The following DOCK8 variants were observed in gnomAD, a reference collection of about 807,000 sequenced individuals.
DOCK8 encodes the protein dedicator of cytokinesis 8.
Under a neutral mutation model 245.6 loss-of-function variants are expected in DOCK8, and 141 were observed. The observed-to-expected ratio is 0.57, with a 90% CI of 0.50 to 0.66. DOCK8 has a LOEUF of 0.66. Among genes scored for constraint, DOCK8 ranks in the 30% least tolerant of loss-of-function variants. DOCK8 has a pLI of 0.00. For synonymous variants in DOCK8, 1,168 were observed against 970.2 expected (o/e 1.20, Z -3.79); for missense variants, 2,965 against 2,603.4 (o/e 1.14, Z -3.02).
chr9:371,668 T>G lies in DOCK8; in HGVS notation c.2007+102T>G, dbSNP rs2053291445. 3.3e-6 allele frequency: 5 copies of G among 1,515,790 alleles called. No homozygotes were observed. The South Asian group carries it at 5.9e-5, about 18-fold the overall frequency. 93.9% of individuals were successfully genotyped at this position (1,515,790 alleles called of 1,614,324 possible). A position where few individuals can be genotyped will look rare whatever the true frequency, so the allele number is the denominator to read the frequency against. On this transcript the variant is annotated intron_variant, in intron 17 of 47. Coordinates refer to ENST00000432829, the MANE Select transcript of DOCK8 (RefSeq NM_203447.4). ...ATTCTATTCACTTGATTTTTTCCAG[T>G]CAGAAGTAGCAAAACATGCTAAGCC...
chr9:318,470 C>T (rs1427941940), intron 7 of DOCK8, among the ~76,000 whole-genome samples: 1 of 152,208 alleles, frequency 6.6e-6, no homozygotes, highest in African/African-American at 2.4e-5. Flanking sequence ...TTCCTACCTA[C>T]CACAAACTTC....
At chr9:283,256 C>G (rs2048667386) in intron 2 of DOCK8, among the ~76,000 whole-genome samples, 2 of 152,194 alleles carry the variant, frequency 1.3e-5, no homozygotes, top group Admixed American at 6.5e-5. Flanking sequence ...ACAGGCTGAG[C>G]ATCCCTAGTC....
chr9:333,407 C>G (rs1030901500), intron 10 of DOCK8, among the ~76,000 whole-genome samples: 3 of 152,156 alleles, frequency 2.0e-5, no homozygotes, highest in Non-Finnish European at 2.9e-5. Context: ...TGAGACCATC[C>G]TGGCCAACAC....
At chr9:376,327 C>T in intron 19 of DOCK8, 22 bp downstream of exon 19, 1 of 1,543,950 alleles carries the variant, frequency 6.5e-7, no homozygotes, top group South Asian at 1.1e-5. Flanking sequence ...CAAGGTTAAT[C>T]ATGAAGGTAA....
intron 15 of DOCK8, chr9:368,581 A>G: frequency 3.3e-6 from 1 of 301,620 alleles, no homozygotes; most frequent in Non-Finnish European, 6.3e-6. Flanking sequence ...AGTACCGCCT[A>G]GTAATTATAA....
rs1229768903 is a variant in DOCK8, at chr9:328,008, C to T, written c.895-14C>T. Reference sequence around the variant, plus strand: ...CAGGTCTAACTTATATTTCACTTTGCTGCTCATTTACAGATCTCAGAAAAT... The same window carrying T: ...CAGGTCTAACTTATATTTCACTTTGTTGCTCATTTACAGATCTCAGAAAAT... On this transcript the variant is annotated splice_polypyrimidine_tract_variant and intron_variant, in intron 8 of 47. Coordinates refer to ENST00000432829, the MANE Select transcript of DOCK8 (RefSeq NM_203447.4). 1.4e-5 allele frequency: 22 copies of T among 1,612,576 alleles called. No homozygotes were observed. In the Admixed American group the frequency reaches 3.7e-4, roughly 27 times the overall value.
At chr9:239,038 C>G (rs77034939) in intron 1 of DOCK8, among the ~76,000 whole-genome samples, 2,670 of 152,296 alleles carry the variant, frequency 0.018, 78 homozygotes, top group African/African-American at 0.061. Flanking sequence ...CCTGAGAAAG[C>G]CCACATGGGG....
Position 336,665 on chromosome 9 carries a change from G to T in DOCK8, c.1369G>T (p.Val457Phe), listed in dbSNP as rs780612775. 10 of 1,614,114 alleles carry T rather than the reference G, an allele frequency of 6.2e-6. 1 individual carries two copies. The South Asian group carries it at 1.1e-4, about 18-fold the overall frequency. ...ERALSLEENG[V>F]GSNFKTSTLS... ...AGCCCTCTCCTTGGAGGAAAATGGG[G>T]TTGGATCCAACTTCAAAACCTCCAC... Residue 457 changes from valine to phenylalanine, a missense_variant, in exon 12 of 48, where the codon GTT becomes TTT. Coordinates refer to ENST00000432829, the MANE Select transcript of DOCK8 (RefSeq NM_203447.4).
intron 1 of DOCK8, among the ~76,000 whole-genome samples, chr9:227,138 T>C (rs1472542251): frequency 6.6e-6 from 1 of 152,200 alleles, no homozygotes; most frequent in Non-Finnish European, 1.5e-5. Flanking sequence ...CATGCATATT[T>C]TGCAAGTTTT....
intron 1 of DOCK8, among the ~76,000 whole-genome samples, chr9:245,795 A>G (rs1430272445): frequency 1.3e-5 from 2 of 152,228 alleles, no homozygotes; most frequent in African/African-American, 4.8e-5. Flanking sequence ...TTGGCAGAAT[A>G]GAGATGCAAA....
chr9:254,004 G>T (rs1331846902), intron 1 of DOCK8, among the ~76,000 whole-genome samples: 1 of 152,222 alleles, frequency 6.6e-6, no homozygotes, highest in Non-Finnish European at 1.5e-5. Flanking sequence ...GCTAACTGTT[G>T]TTCCCTTGTT....
chr9:355,203 T>TTTC (rs1563957085), intron 14 of DOCK8, among the ~76,000 whole-genome samples: 3 of 129,154 alleles, frequency 2.3e-5, no homozygotes, highest in Admixed American at 8.4e-5. Flanking sequence ...TTTTTTTTTT[T>TTTC]TTTTTTTTTT....
In DOCK8 at chr9:370,294, A is replaced by G; in HGVS notation, c.1862A>G (p.His621Arg). 5.6e-6 allele frequency: 9 copies of G among 1,613,912 alleles called. No homozygotes were observed. Among genetic ancestry groups the G allele is most frequent in the Non-Finnish European group, 7.6e-6 (9 of 1,179,750 alleles). ...GAAGTGTACACAGCTGTTACATACC[A>G]TAATAAGTAAGTCTATTTCAGCATT... The part of the protein sequence containing the change: ...LQEVYTAVTY[H>R]NKSPDFYEEV... Residue 621 changes from histidine (H) to arginine (R), a missense_variant, in exon 16 of 48, where the codon CAT (histidine) becomes CGT (arginine). Physicochemically the swap from His to Arg is conservative, Grantham distance 29. Coordinates refer to ENST00000432829, the MANE Select transcript of DOCK8 (RefSeq NM_203447.4).
chr9:237,663 T>A (rs1250736432), intron 1 of DOCK8, among the ~76,000 whole-genome samples: 1 of 151,792 alleles, frequency 6.6e-6, no homozygotes, highest in East Asian at 1.9e-4. Flanking sequence ...TCAGAAAAAA[T>A]AATAATAAAA....
chr9:418,224 G>T lies in DOCK8; in HGVS notation c.3840+17G>T. On this transcript the variant is annotated intron_variant, in intron 30 of 47. Coordinates refer to ENST00000432829, the MANE Select transcript of DOCK8 (RefSeq NM_203447.4). ...TCTTCCTTGGTATGTTGGTGCACAT[G>T]TGTCTGGTTGATTTTTCATTTCATG... is the stretch of plus-strand genomic sequence containing the variant. 6.2e-7 allele frequency: 1 copy of T among 1,614,036 alleles called. No homozygotes were observed. Among genetic ancestry groups the T allele is most frequent in the African/African-American group, 1.3e-5 (1 of 75,040 alleles).
At chr9:429,953 A>G in intron 36 of DOCK8, 99 bp downstream of exon 36, 1 of 1,418,704 alleles carries the variant, frequency 7.0e-7, no homozygotes. Flanking sequence ...GCAGTATTGC[A>G]GTTTACTTCT....
intron 26 of DOCK8, among the ~76,000 whole-genome samples, chr9:403,988 A>G (rs1457532607): frequency 2.3e-5 from 2 of 85,208 alleles, no homozygotes; most frequent in African/African-American, 6.1e-5. Context: ...GTATATATAT[A>G]TATGTGTATA....
At chr9:279,106 T>C (rs1202159111) in intron 2 of DOCK8, among the ~76,000 whole-genome samples, 4 of 152,214 alleles carry the variant, frequency 2.6e-5, no homozygotes, top group Non-Finnish European at 4.4e-5. Flanking sequence ...ATGGGTGATA[T>C]GTAGAGTGTA....
chr9:443,543 C>A (rs1206358403), intron 43 of DOCK8, 27 bp downstream of exon 43: 2 of 1,564,660 alleles, frequency 1.3e-6, no homozygotes, highest in Admixed American at 3.3e-5. Flanking sequence ...AAAAACTAAC[C>A]ATCAAGCTCT....
Sources: allele counts gnomAD v4.1 joint callset (sites outside exome capture counted in the v4.1 genomes callset), GRCh38; gene constraint gnomAD v4.1.1; transcripts MANE v1.5; gene names NCBI Gene and HGNC (gene_info 2026-07-23, HGNC 2026-07-21).